Variants in CACNA1I observed in about 807,000 individuals in gnomAD.
CACNA1I encodes voltage-dependent T-type calcium channel subunit alpha-1I.
Under a neutral mutation model 201.6 loss-of-function variants are expected in CACNA1I, and 74 were observed. The ratio of observed to expected loss-of-function variants is 0.37; its 90% CI spans 0.30 to 0.45. The LOEUF (loss-of-function observed/expected upper bound fraction) is 0.45, where lower values mean the gene tolerates loss of function less well. Among genes scored for constraint, CACNA1I ranks in the 20% least tolerant of loss-of-function variants. The pLI is 1.00. For synonymous variants in CACNA1I, 1,431 were observed against 1,345.2 expected (o/e 1.06, Z -1.40); for missense variants, 2,346 against 3,138.1 (o/e 0.75, Z 6.03).
In CACNA1I at chr22:39,665,664, A is replaced by G. The variant is rs770432625; in HGVS notation, c.3978+40A>G. 13 of 1,602,708 alleles carry G rather than the reference A, an allele frequency of 8.1e-6. No individual in the cohort carries two copies. The East Asian group carries it at 2.9e-4, about 36-fold the overall frequency. On this transcript the variant is annotated intron_variant, in intron 22 of 36. Coordinates refer to ENST00000402142, the MANE Select transcript of CACNA1I (RefSeq NM_021096.4). The surrounding 1 kb of genome is among the most constrained non-coding windows in gnomAD (Gnocchi z 5.5). Reference sequence around the variant, plus strand: ...GTCTGGGCAGGGACTGGGCTCTGTGACTGGGGAAAAGGAAGTCTCAGACAG... The same window carrying G: ...GTCTGGGCAGGGACTGGGCTCTGTGGCTGGGGAAAAGGAAGTCTCAGACAG...
chr22:39,654,331 G>C (rs185186790), intron 10 of CACNA1I, among the ~76,000 whole-genome samples: 7 of 152,328 alleles, frequency 4.6e-5, no homozygotes, highest in Non-Finnish European at 1.0e-4. Context: ...AGCTGGGCAG[G>C]GCTGCCCTGC....
chr22:39,662,608 A>T (rs1935061706), intron 17 of CACNA1I, among the ~76,000 whole-genome samples, 168 bp from the exon 18 acceptor site: 1 of 151,912 alleles, frequency 6.6e-6, no homozygotes. Flanking sequence ...AGAACTGCCC[A>T]CACCTGAGCT....
chr22:39,593,087 G>A (rs1932840856), intron 1 of CACNA1I, among the ~76,000 whole-genome samples: 1 of 152,218 alleles, frequency 6.6e-6, no homozygotes, highest in Non-Finnish European at 1.5e-5. Flanking sequence ...CTGAATTTCT[G>A]AAGCTGAGCA....
chr22:39,685,602 C>T lies in CACNA1I; in HGVS notation c.6028-159C>T, dbSNP rs1569103574. Among the ~76,000 whole-genome samples the T allele has an allele frequency of 6.6e-6, 1 of 152,022 alleles. No individual in the cohort carries two copies. Among genetic ancestry groups the T allele is most frequent in the Non-Finnish European group, 1.5e-5 (1 of 67,958 alleles). On this transcript the variant is annotated intron_variant, in intron 36 of 36. Transcript: ENST00000402142. This position sits in a 1 kb window ranked among gnomAD's most constrained non-coding sequence, Gnocchi z 5.0. The stretch of plus-strand genomic sequence containing the variant: ...GGGGCAGGTGAAGGCCCTGCGGTGA[C>T]GCCGCCTAAGCTGGACGTGCGGAGG...
rs16985844 is a variant in CACNA1I at position 39,664,762 on chromosome 22, C to G, written c.3690C>G (p.Phe1230Leu). 7.0e-7 allele frequency: 1 copy of G among 1,431,072 alleles called. No individual in the cohort carries two copies. The highest frequency in any genetic ancestry group is 9.4e-7 in the Non-Finnish European group (1 of 1,064,538). 88.6% of individuals were successfully genotyped at this position (1,431,072 alleles called of 1,614,324 possible). The change falls in exon 21 of 37, where the codon TTC becomes TTG. Residue 1230 changes from phenylalanine to leucine, a missense_variant. By Grantham distance (22) the Phe-to-Leu change is conservative. This residue lies in a region of CACNA1I where 158 missense variants were observed against 231.6 expected (regional missense o/e 0.68). Transcript: ENST00000402142. Reference sequence around the variant, plus strand: ...AGGTAGTCTCGCTGGGCCTGTACTTCGGCGAGCAGGCGTACCTACGCAGCA... The same window carrying G: ...AGGTAGTCTCGCTGGGCCTGTACTTGGGCGAGCAGGCGTACCTACGCAGCA... ...TLKVVSLGLY[F>L]GEQAYLRSSW... is the part of the protein sequence containing the mutation.
At chr22:39,654,150 G>T (rs368502485) in intron 10 of CACNA1I, among the ~76,000 whole-genome samples, 3 of 152,376 alleles carry the variant, frequency 2.0e-5, no homozygotes, top group East Asian at 3.9e-4. Flanking sequence ...CTGAGGCTCA[G>T]TGAAGTAGAT....
intron 9 of CACNA1I, 35 bp downstream of exon 9, chr22:39,647,961 C>T (rs1934541511): frequency 5.1e-6 from 8 of 1,566,110 alleles, no homozygotes; most frequent in African/African-American, 1.4e-5. Context: ...GCCCTGCCCC[C>T]AGCCCCAATA....
At chr22:39,583,734 A>C (rs952174306) in intron 1 of CACNA1I, among the ~76,000 whole-genome samples, 13 of 152,126 alleles carry the variant, frequency 8.5e-5, no homozygotes, top group African/African-American at 3.1e-4. Context: ...CCCAGAAAAA[A>C]CCCATATTGG....
chr22:39,587,345 G>C (rs1480617804), intron 1 of CACNA1I, among the ~76,000 whole-genome samples: 1 of 152,202 alleles, frequency 6.6e-6, no homozygotes, highest in Non-Finnish European at 1.5e-5. Context: ...CATGCCATTT[G>C]TCATGTGGGG....
chr22:39,597,483 G>A (rs550214319), intron 1 of CACNA1I, among the ~76,000 whole-genome samples: 2 of 152,342 alleles, frequency 1.3e-5, no homozygotes, highest in African/African-American at 4.8e-5. Flanking sequence ...CCTGCCCAAG[G>A]CCAGGTTCAT....
chr22:39,621,306 A>G (rs1933737349), intron 4 of CACNA1I, among the ~76,000 whole-genome samples: 1 of 152,210 alleles, frequency 6.6e-6, no homozygotes, highest in East Asian at 1.9e-4. Flanking sequence ...CAAAGAGTAC[A>G]GGTCTCCTGG....
intron 1 of CACNA1I, among the ~76,000 whole-genome samples, chr22:39,597,378 T>G (rs1008542924): frequency 4.6e-5 from 7 of 152,096 alleles, no homozygotes; most frequent in African/African-American, 1.7e-4. Context: ...GAGGAGGGCA[T>G]TCATGGAGGG....
chr22:39,604,868 C>T (rs1051743101), intron 3 of CACNA1I, among the ~76,000 whole-genome samples: 3 of 152,078 alleles, frequency 2.0e-5, no homozygotes, highest in African/African-American at 4.8e-5. Context: ...TGAGCCACCA[C>T]GCTCAGCTGA....
chr22:39,591,025 T>A (rs968715500), intron 1 of CACNA1I, among the ~76,000 whole-genome samples: 1 of 151,804 alleles, frequency 6.6e-6, no homozygotes, highest in East Asian at 1.9e-4. Context: ...AAAATTTTTT[T>A]TTTTTTTTGC....
chr22:39,592,839 A>G (rs1932838181), intron 1 of CACNA1I, among the ~76,000 whole-genome samples: 1 of 152,208 alleles, frequency 6.6e-6, no homozygotes, highest in Admixed American at 6.5e-5. Context: ...GAGTGGCTCA[A>G]GCCGGAGACC....
At chr22:39,632,060 G>T (rs1259213019) in intron 4 of CACNA1I, among the ~76,000 whole-genome samples, 1 of 152,096 alleles carries the variant, frequency 6.6e-6, no homozygotes, top group African/African-American at 2.4e-5. Context: ...GAAGCCAGCC[G>T]GATAGGTTTG....
intron 4 of CACNA1I, 39 bp from the exon 5 acceptor site, chr22:39,634,526 C>T: frequency 6.2e-7 from 1 of 1,608,844 alleles, no homozygotes; most frequent in South Asian, 1.1e-5. Flanking sequence ...GGGACCTCTG[C>T]TCCCTGTCTG....
intron 1 of CACNA1I, among the ~76,000 whole-genome samples, chr22:39,579,687 C>T (rs1240604408): frequency 1.3e-5 from 2 of 151,664 alleles, no homozygotes; most frequent in Non-Finnish European, 1.5e-5. Flanking sequence ...GCTCTTGTCA[C>T]CCAGGCTGGA....
At chr22:39,591,012 TAA>T (rs199694726) in intron 1 of CACNA1I, among the ~76,000 whole-genome samples, 3 of 119,084 alleles carry the variant, frequency 2.5e-5, no homozygotes, top group African/African-American at 9.4e-5. Flanking sequence ...GCTGGCTAAT[TAA>T]AAAATTTTTT....
Sources: gnomAD v4.1 joint callset for allele counts (sites outside exome capture counted in the v4.1 genomes callset) on GRCh38, gnomAD v4.1.1 for gene constraint, gnomAD v4.1.1 regional missense constraint, Gnocchi (gnomAD v3.1) non-coding constraint, MANE v1.5 for transcripts, NCBI Gene and HGNC (gene_info 2026-07-23, HGNC 2026-07-21) for gene names.